Variants in SLC35F4 observed in about 807,000 individuals in gnomAD.
SLC35F4 encodes the protein chromosome 14 open reading frame 36.
Under a neutral mutation model 44.2 loss-of-function variants are expected in SLC35F4, and 24 were observed. The observed-to-expected ratio is 0.54, with a 90% confidence interval of 0.39 to 0.76. The LOEUF is 0.76. Among genes scored for constraint, SLC35F4 ranks in the 30% least tolerant of loss-of-function variants. The probability of loss-of-function intolerance (pLI) is 0.00; values close to 1 mark genes in which losing one functional copy is unlikely to be tolerated. For synonymous variants in SLC35F4, 238 were observed against 223.6 expected (o/e 1.06, Z -0.57); for missense variants, 562 against 586.1 (o/e 0.96, Z 0.42).
At chr14:57,647,175 CT>C (rs1566722978) in intron 1 of SLC35F4, among the ~76,000 whole-genome samples, 1 of 150,784 alleles carries the variant, frequency 6.6e-6, no homozygotes, top group Admixed American at 6.6e-5. Context: ...CCTGGATATC[CT>C]TGTTGACTTT....
chr14:57,903,317 A>C (rs1010257615), intron 1 of SLC35F4, among the ~76,000 whole-genome samples: 2 of 152,240 alleles, frequency 1.3e-5, no homozygotes, highest in Non-Finnish European at 2.9e-5. Context: ...GATTCTGGCT[A>C]TCAGAATTCT....
intron 1 of SLC35F4, among the ~76,000 whole-genome samples, chr14:57,741,526 GAGA>G (rs202051423): frequency 0.12 from 18,344 of 152,116 alleles, 1,307 homozygotes; most frequent in South Asian, 0.18. Context: ...GAAGCGAGAA[GAGA>G]AGTTTAGAGA....
At chr14:57,792,821 C>CAA (rs2077959590) in intron 1 of SLC35F4, among the ~76,000 whole-genome samples, 1 of 152,030 alleles carries the variant, frequency 6.6e-6, no homozygotes, top group Non-Finnish European at 1.5e-5. Context: ...ACACTGGGTG[C>CAA]CGTGTTCATT....
chr14:57,681,594 C>A (rs182920529), intron 1 of SLC35F4, among the ~76,000 whole-genome samples: 1 of 152,058 alleles, frequency 6.6e-6, no homozygotes, highest in East Asian at 1.9e-4. Context: ...CTGGCATGGG[C>A]AAAGACTTCA....
chr14:57,671,717 C>T (rs909285765), intron 1 of SLC35F4, among the ~76,000 whole-genome samples: 3 of 151,752 alleles, frequency 2.0e-5, no homozygotes, highest in African/African-American at 4.9e-5. Flanking sequence ...GAAAAGTAAA[C>T]GGAAATGCTT....
At chr14:57,881,674 G>T (rs1449250948) in intron 1 of SLC35F4, among the ~76,000 whole-genome samples, 1 of 152,072 alleles carries the variant, frequency 6.6e-6, no homozygotes, top group Non-Finnish European at 1.5e-5. Context: ...CAGTAATAGG[G>T]TTGCAAATTT....
At chr14:57,846,063 A>C (rs1566900508) in intron 1 of SLC35F4, among the ~76,000 whole-genome samples, 2 of 152,244 alleles carry the variant, frequency 1.3e-5, no homozygotes, top group Admixed American at 6.5e-5. Context: ...TTATTCTCTA[A>C]TAAGCATAAG....
intron 1 of SLC35F4, among the ~76,000 whole-genome samples, chr14:57,923,409 A>T (rs1889481174): frequency 6.6e-6 from 1 of 152,220 alleles, no homozygotes; most frequent in Non-Finnish European, 1.5e-5. Flanking sequence ...CACCCAGGTG[A>T]ACTGATCCTG....
chr14:57,640,535 C>G (rs564201242), intron 1 of SLC35F4, among the ~76,000 whole-genome samples: 2 of 152,042 alleles, frequency 1.3e-5, no homozygotes, highest in South Asian at 4.1e-4. Flanking sequence ...CCAGCAACAC[C>G]TTTTTACATG....
At chr14:57,645,433 G>T (rs2073459387) in intron 1 of SLC35F4, among the ~76,000 whole-genome samples, 1 of 151,998 alleles carries the variant, frequency 6.6e-6, no homozygotes, top group Non-Finnish European at 1.5e-5. Flanking sequence ...GTCTGTTATT[G>T]GTGTATAAGA....
chr14:57,749,875 C>T (rs191299768), intron 1 of SLC35F4, among the ~76,000 whole-genome samples: 49 of 152,202 alleles, frequency 3.2e-4, no homozygotes, highest in African/African-American at 1.2e-3. Context: ...CTTGCAGTGG[C>T]CATCTCTATT....
intron 4 of SLC35F4, among the ~76,000 whole-genome samples, chr14:57,573,053 T>C (rs1257546039): frequency 6.6e-6 from 1 of 152,214 alleles, no homozygotes; most frequent in Non-Finnish European, 1.5e-5. Context: ...GTTCTGAGTA[T>C]TCCCAGTAAA....
chr14:57,579,986 G>C (rs955981560), intron 4 of SLC35F4, among the ~76,000 whole-genome samples: 49 of 152,306 alleles, frequency 3.2e-4, no homozygotes, highest in African/African-American at 1.1e-3. Context: ...GCCAGCACCA[G>C]TGCCCCAGAC....
intron 1 of SLC35F4, among the ~76,000 whole-genome samples, chr14:57,871,779 G>A (rs1357542300): frequency 6.6e-6 from 1 of 152,172 alleles, no homozygotes; most frequent in East Asian, 1.9e-4. Flanking sequence ...GCTAATACTA[G>A]ACACTCAAGG....
chr14:57,981,796 C>G (rs1881389976), intron 1 of SLC35F4: 12 of 151,934 alleles, frequency 7.9e-5, no homozygotes. Flanking sequence ...AAACTTGTTA[C>G]CAAATTATAT....
intron 1 of SLC35F4, among the ~76,000 whole-genome samples, chr14:57,880,082 AAGGAAGGAAG>A (rs1888498254): frequency 8.8e-6 from 1 of 113,534 alleles, no homozygotes; most frequent in Non-Finnish European, 1.9e-5. Flanking sequence ...GGAAGGAAGG[AAGGAAGGAAG>A]GAAGGAAGGA....
At chr14:57,973,104 C>T (rs78993970), downstream of SLC35F4, among the ~76,000 whole-genome samples, 2,522 of 152,290 alleles carry the variant, frequency 0.017, 41 homozygotes, top group Middle Eastern at 0.034. Flanking sequence ...CAAACAGTAC[C>T]ACTGTCCCCT....
At chr14:57,778,235 A>G (rs185711677) in intron 1 of SLC35F4, among the ~76,000 whole-genome samples, 2,782 of 152,314 alleles carry the variant, frequency 0.018, 29 homozygotes, top group Non-Finnish European at 0.023. Flanking sequence ...ACATGGAACT[A>G]TAAGCCCAAC....
intron 1 of SLC35F4, among the ~76,000 whole-genome samples, chr14:57,643,711 C>T (rs1433191050): frequency 2.6e-5 from 4 of 152,124 alleles, no homozygotes; most frequent in Non-Finnish European, 5.9e-5. Flanking sequence ...TGGTGTGCTG[C>T]ACCCATTAAC....
Sources: allele counts gnomAD v4.1 joint callset (sites outside exome capture counted in the v4.1 genomes callset), GRCh38; gene constraint gnomAD v4.1.1; transcripts MANE v1.5; gene names NCBI Gene and HGNC (gene_info 2026-07-23, HGNC 2026-07-21).